The following ATP13A4 variants were observed in gnomAD, a reference collection of about 807,000 sequenced individuals.
ATP13A4 encodes the protein probable cation-transporting ATPase 13A4.
Under a neutral mutation model 142.5 loss-of-function variants are expected in ATP13A4, and 114 were observed. The observed-to-expected ratio is 0.80, with a 90% CI of 0.69 to 0.93. ATP13A4 has a LOEUF of 0.93. Ranked by LOEUF, ATP13A4 falls within the 40% of genes least tolerant of loss-of-function variation. The probability of loss-of-function intolerance (pLI) is 0.00; values close to 1 mark genes in which losing one functional copy is unlikely to be tolerated. For synonymous variants in ATP13A4, 488 were observed against 514.8 expected, an observed-to-expected ratio of 0.95 and a Z score of 0.70; for missense variants, 1,392 against 1,454.0, an observed-to-expected ratio of 0.96 and a Z score of 0.69.
chr3:193,485,731 G>T (rs1719574229), intron 7 of ATP13A4, among the ~76,000 whole-genome samples: 1 of 152,050 alleles, frequency 6.6e-6, no homozygotes, highest in South Asian at 2.1e-4. Context: ...ATTAGGTCAT[G>T]AATAATTTCA....
intron 1 of ATP13A4, among the ~76,000 whole-genome samples, chr3:193,537,712 T>A (rs951942178): frequency 6.6e-6 from 1 of 152,118 alleles, no homozygotes; most frequent in East Asian, 1.9e-4. Context: ...TGAGAAGATG[T>A]CCTGCAATGA....
At chr3:193,524,596 C>T (rs571916176) in intron 1 of ATP13A4, among the ~76,000 whole-genome samples, 2 of 152,158 alleles carry the variant, frequency 1.3e-5, no homozygotes, top group East Asian at 1.9e-4. Context: ...AAGACTCAAG[C>T]GAGGGTAGCA....
At chr3:193,407,604 TG>T (rs577083245) in intron 28 of ATP13A4, among the ~76,000 whole-genome samples, 3 of 152,224 alleles carry the variant, frequency 2.0e-5, no homozygotes, top group African/African-American at 7.2e-5. Flanking sequence ...CCTAATGATT[TG>T]GGGGGGTTAT....
intron 25 of ATP13A4, among the ~76,000 whole-genome samples, chr3:193,430,790 T>A (rs1715928554): frequency 6.6e-6 from 1 of 152,102 alleles, no homozygotes. Flanking sequence ...CCCAATCATA[T>A]AAGACTTGAA....
intron 18 of ATP13A4, among the ~76,000 whole-genome samples, chr3:193,445,860 C>T (rs1353832287): frequency 6.6e-6 from 1 of 151,840 alleles, no homozygotes; most frequent in Admixed American, 6.6e-5. Context: ...TAAGAAAACT[C>T]AAATCCCACC....
At chr3:193,440,996 G>A (rs1024377271) in intron 20 of ATP13A4, among the ~76,000 whole-genome samples, 1 of 149,344 alleles carries the variant, frequency 6.7e-6, no homozygotes, top group Non-Finnish European at 1.5e-5. Context: ...CTAAACTATC[G>A]ATCTATCTCT....
chr3:193,538,390 T>A (rs1722696433), intron 1 of ATP13A4, among the ~76,000 whole-genome samples: 1 of 147,708 alleles, frequency 6.8e-6, no homozygotes, highest in African/African-American at 2.5e-5. Flanking sequence ...AGTAACCAAA[T>A]CAGACAGATC....
At position 193,442,443 on chromosome 3, in the gene ATP13A4, T is replaced by C. The variant is rs148801084; in HGVS notation, c.2266A>G (p.Ile756Val). 43 of 1,614,126 alleles carry C rather than the reference T, an allele frequency of 2.7e-5. No individual in the cohort carries two copies. The African/African-American group carries it at 4.0e-4, about 15-fold the overall frequency. The change falls in exon 19 of 30, where the codon ATA becomes GTA. Residue 756 changes from isoleucine (I) to valine (V), a missense_variant. Coordinates refer to ENST00000342695, the MANE Select transcript of ATP13A4 (RefSeq NM_032279.4). ...NETTGSSSAS[I>V]SWTLVEEKKH... is the part of the protein sequence containing the mutation. The stretch of plus-strand genomic sequence containing the variant: ...TTCTCTTCTACTAACGTCCAAGATA[T>C]AGATGCTGATGAGGACCCGGTGGTT...
intron 2 of ATP13A4, chr3:193,579,492 A>AATATATATATATATATATATATATAT (rs34635543): frequency 1.5e-4 from 22 of 149,902 alleles, no homozygotes; most frequent in South Asian, 8.5e-4. Context: ...TATGTATTGT[A>AATATATATATATATATATATATATAT]ATATATATAT....
intron 1 of ATP13A4, among the ~76,000 whole-genome samples, chr3:193,519,372 C>G (rs1336048943): frequency 6.6e-6 from 1 of 152,176 alleles, no homozygotes; most frequent in East Asian, 1.9e-4. Context: ...GCCTTCCTCT[C>G]CAACTCCATC....
chr3:193,586,450 T>C (rs899137701), intron 1 of ATP13A4, among the ~76,000 whole-genome samples: 3 of 152,212 alleles, frequency 2.0e-5, no homozygotes, highest in South Asian at 2.1e-4. Flanking sequence ...ATAAGCTTCA[T>C]AGTGTTTACT....
chr3:193,541,130 T>A (rs181232145), intron 1 of ATP13A4, among the ~76,000 whole-genome samples: 10,761 of 150,856 alleles, frequency 0.071, 348 homozygotes, highest in Non-Finnish European at 0.086. Flanking sequence ...GCGCCTGTAG[T>A]CCCAGCTACT....
At chr3:193,573,308 C>CGTATATATATATATATTCTTATCTAT (rs1229145689) in intron 2 of ATP13A4, among the ~76,000 whole-genome samples, 1 of 103,674 alleles carries the variant, frequency 9.6e-6, no homozygotes. Context: ...TATATATATA[C>CGTATATATATATATATTCTTATCTAT]ATATATATAT....
At chr3:193,464,858 C>G in intron 12 of ATP13A4, 82 bp downstream of exon 12, 1 of 1,443,418 alleles carries the variant, frequency 6.9e-7, no homozygotes, top group Non-Finnish European at 9.7e-7. Context: ...ATGTCTCCTG[C>G]CTTGCAAGGG....
At chr3:193,454,291 C>A in intron 16 of ATP13A4, 79 bp from the exon 17 acceptor site, 1 of 1,074,300 alleles carries the variant, frequency 9.3e-7, no homozygotes, top group Non-Finnish European at 1.4e-6. Context: ...TACAAACATC[C>A]AACTTTTGCC....
At chr3:193,508,127 T>C (rs1211753362) in intron 2 of ATP13A4, among the ~76,000 whole-genome samples, 1 of 152,202 alleles carries the variant, frequency 6.6e-6, no homozygotes, top group Non-Finnish European at 1.5e-5. Context: ...GAAGACAGCC[T>C]TCTTCAAGCC....
At chr3:193,431,739 T>C (rs1715987276) in intron 25 of ATP13A4, among the ~76,000 whole-genome samples, 1 of 150,966 alleles carries the variant, frequency 6.6e-6, no homozygotes, top group Non-Finnish European at 1.5e-5. Flanking sequence ...TATTTATATA[T>C]ACACACATAT....
At position 193,474,655 on chromosome 3, in the gene ATP13A4, GAAAGAAAGAAAGAA is replaced by G. The variant is rs1173924864; in HGVS notation, c.809-3676_809-3663del. Among the ~76,000 whole-genome samples the G allele has an allele frequency of 2.9e-3, 357 of 124,260 alleles. 4 individuals carry two copies. The highest frequency in any genetic ancestry group is 0.01 in the African/African-American group (344 of 33,110). The allele number at this position is 124,260 out of a possible 152,430, so 81.5% of individuals were successfully genotyped here. On this transcript the variant is annotated intron_variant, in intron 8 of 29. Coordinates refer to ENST00000342695, the MANE Select transcript of ATP13A4 (RefSeq NM_032279.4). The stretch of plus-strand genomic sequence containing the variant: ...GACGAGAAAGAAAGAAAGGAAGAAA[GAAAGAAAGAAAGAA>G]AAAGAAAGAAAAAAGAAAGAAAAAG...
upstream of ATP13A4, chr3:193,555,043 C>A: frequency 1.1e-6 from 1 of 906,720 alleles, no homozygotes; most frequent in Non-Finnish European, 1.6e-6. Context: ...ATTGCATTCT[C>A]TCAGAGCAGC....
Sources: gnomAD v4.1 joint callset for allele counts (sites outside exome capture counted in the v4.1 genomes callset) on GRCh38, gnomAD v4.1.1 for gene constraint, MANE v1.5 for transcripts, NCBI Gene and HGNC (gene_info 2026-07-23, HGNC 2026-07-21) for gene names.